Variants in FAM114A2 observed in about 807,000 individuals in gnomAD.
The protein encoded by FAM114A2 is protein FAM114A2.
A neutral mutation model predicts 58.4 loss-of-function variants in FAM114A2; 53 were observed. The ratio of observed to expected loss-of-function variants is 0.91; its 90% CI spans 0.73 to 1.14. FAM114A2 has a LOEUF of 1.14. Ranked by LOEUF, FAM114A2 falls within the 50% of genes most tolerant of loss-of-function variation. The pLI, the probability that FAM114A2 is intolerant of heterozygous loss-of-function variation, is 0.00. For synonymous variants in FAM114A2, 228 were observed against 211.4 expected (o/e 1.08, Z -0.68); for missense variants, 601 against 581.1 (o/e 1.03, Z -0.35).
In FAM114A2 at chr5:153,991,310, C is replaced by T. The variant is rs563824899; in HGVS notation, c.*1666G>A. 6.6e-6 allele frequency: 1 copy of T among 152,156 alleles called. No individual in the cohort carries two copies. Among genetic ancestry groups the T allele is most frequent in the East Asian group, 1.9e-4 (1 of 5,204 alleles). 9.4% of individuals were successfully genotyped at this position (152,156 alleles called of 1,614,324 possible). Reference sequence around the variant, plus strand: ...TTAAAGCTGCCAAACTGCCATTGTACAAGAGGCTGAACAGACAGTAGGCAG... The same window carrying T: ...TTAAAGCTGCCAAACTGCCATTGTATAAGAGGCTGAACAGACAGTAGGCAG... On this transcript the variant is annotated 3_prime_UTR_variant, in exon 14 of 14. Coordinates refer to ENST00000351797, the MANE Select transcript of FAM114A2 (RefSeq NM_018691.4).
At chr5:154,005,086 G>A (rs985019945) in intron 9 of FAM114A2, among the ~76,000 whole-genome samples, 5 of 152,154 alleles carry the variant, frequency 3.3e-5, no homozygotes, top group African/African-American at 4.8e-5. Context: ...AAATATAGTA[G>A]AATTATCTGT....
chr5:154,006,757 G>GA lies in FAM114A2; in HGVS notation c.994-3789dup, dbSNP rs1349295913. On this transcript the variant is annotated intron_variant, in intron 9 of 13. Transcript: ENST00000351797. ...ATGGAGAGTGATAGACCACATAAAA[G>GA]AAAAAACGGATACCATAAATTTAAT... Among the ~76,000 whole-genome samples, 6 of 149,268 alleles carry GA rather than the reference G, an allele frequency of 4.0e-5. No homozygotes were observed. In the East Asian group the frequency reaches 1.2e-3, roughly 29 times the overall value.
At chr5:154,026,100 C>T (rs1771752049) in intron 8 of FAM114A2, among the ~76,000 whole-genome samples, 1 of 152,116 alleles carries the variant, frequency 6.6e-6, no homozygotes, top group African/African-American at 2.4e-5. Flanking sequence ...CTGATGAGAA[C>T]AGCTTTCTAA....
At chr5:154,034,128 A>G (rs748771869) in intron 3 of FAM114A2, 150 bp downstream of exon 3, 3 of 625,858 alleles carry the variant, frequency 4.8e-6, no homozygotes, top group South Asian at 2.1e-5. Context: ...GTGGCAGTAT[A>G]TATCAGCCCA....
Position 154,012,865 on chromosome 5 carries a change from A to G in FAM114A2, c.914-1545T>C, listed in dbSNP as rs552531252. Among the ~76,000 whole-genome samples, 12 of 152,300 alleles carry G rather than the reference A, an allele frequency of 7.9e-5. No individual in the cohort carries two copies. The South Asian group carries it at 2.5e-3, about 32-fold the overall frequency. On this transcript the variant is annotated intron_variant, in intron 8 of 13. Coordinates refer to ENST00000351797, the MANE Select transcript of FAM114A2 (RefSeq NM_018691.4). Reference sequence around the variant, plus strand: ...ATGCATATACCCAAAGAGGTTCACAAAATAATTCAATGGAGGGCAGGAAAA... The same window carrying G: ...ATGCATATACCCAAAGAGGTTCACAGAATAATTCAATGGAGGGCAGGAAAA...
intron 13 of FAM114A2, among the ~76,000 whole-genome samples, chr5:153,993,785 C>G (rs6871098): frequency 0.65 from 98,374 of 151,380 alleles, 32,286 homozygotes; most frequent in East Asian, 0.87. Flanking sequence ...AAATCTGTAT[C>G]CAAAAAAAAA....
At chr5:154,019,407 T>C (rs1479248454) in intron 8 of FAM114A2, among the ~76,000 whole-genome samples, 5 of 152,024 alleles carry the variant, frequency 3.3e-5, no homozygotes, top group Non-Finnish European at 7.4e-5. Context: ...TGAAAACACA[T>C]CCCATGCTCA....
intron 8 of FAM114A2, among the ~76,000 whole-genome samples, chr5:154,015,358 G>T (rs1273808830): frequency 6.6e-6 from 1 of 152,176 alleles, no homozygotes; most frequent in African/African-American, 2.4e-5. Context: ...AGCCAAGGAT[G>T]CTCACAGAGT....
chr5:153,994,782 A>T (rs1769448714), intron 13 of FAM114A2, 137 bp downstream of exon 13: 2 of 615,322 alleles, frequency 3.3e-6, no homozygotes, highest in Non-Finnish European at 5.8e-6. Context: ...AATATACACT[A>T]TTTCTGTCAT....
intron 8 of FAM114A2, among the ~76,000 whole-genome samples, chr5:154,016,707 C>T (rs1331089006): frequency 2.7e-5 from 4 of 150,240 alleles, no homozygotes; most frequent in African/African-American, 9.8e-5. Context: ...ACCTATAAAA[C>T]AAAAATACAA....
chr5:154,021,360 CCT>C (rs1316818954), intron 8 of FAM114A2, among the ~76,000 whole-genome samples: 1 of 152,124 alleles, frequency 6.6e-6, no homozygotes, highest in East Asian at 1.9e-4. Flanking sequence ...TCAAATTGTC[CCT>C]GTTTGCAGAT....
chr5:154,002,016 T>G (rs1053036852), intron 11 of FAM114A2, among the ~76,000 whole-genome samples: 3 of 152,166 alleles, frequency 2.0e-5, no homozygotes, highest in Non-Finnish European at 2.9e-5. Flanking sequence ...TTAAAACTTA[T>G]CTGTAAAGAA....
chr5:154,011,187 C>A, intron 9 of FAM114A2, 54 bp downstream of exon 9: 1 of 1,290,082 alleles, frequency 7.8e-7, no homozygotes. Flanking sequence ...TGCTCTTTAT[C>A]CACTACATTT....
chr5:154,018,316 C>T (rs566887210), intron 8 of FAM114A2, among the ~76,000 whole-genome samples: 1 of 152,022 alleles, frequency 6.6e-6, no homozygotes, highest in East Asian at 1.9e-4. Context: ...CTAGAGGAGA[C>T]GGATAAATTT....
chr5:154,029,223 AAAT>A (rs1465342909), intron 5 of FAM114A2, among the ~76,000 whole-genome samples: 1 of 152,156 alleles, frequency 6.6e-6, no homozygotes, highest in Non-Finnish European at 1.5e-5. Context: ...CTAATCCATA[AAAT>A]AATACGTATA....
At chr5:154,026,658 A>G (rs1206932573) in intron 7 of FAM114A2, 136 bp from the exon 8 acceptor site, 1 of 496,930 alleles carries the variant, frequency 2.0e-6, no homozygotes, top group East Asian at 3.7e-5. Flanking sequence ...TTATTCCTTA[A>G]GAACCTTAAC....
intron 11 of FAM114A2, among the ~76,000 whole-genome samples, chr5:153,998,142 G>A (rs1769711312): frequency 6.6e-6 from 1 of 152,106 alleles, no homozygotes; most frequent in Admixed American, 6.6e-5. Context: ...ACATCATCTT[G>A]AGTAGTGTGA....
Position 154,026,476 on chromosome 5 carries a change from A to G in FAM114A2, c.836T>C (p.Leu279Pro). The G allele has an allele frequency of 6.3e-7, 1 of 1,574,964 alleles. No homozygotes were observed. Among genetic ancestry groups the G allele is most frequent in the Non-Finnish European group, 8.6e-7 (1 of 1,159,130 alleles). Residue 279 changes from leucine (L) to proline (P), a missense_variant, in exon 8 of 14, where the codon CTA becomes CCA. Leu to Pro is a moderately conservative substitution (Grantham distance 98, BLOSUM62 -3). Coordinates refer to ENST00000351797, the MANE Select transcript of FAM114A2 (RefSeq NM_018691.4). ...NSLSGEELETLKVELEQLKET... is the reference protein window; with the variant it reads ...NSLSGEELETPKVELEQLKET... ...TTTGAGTTGCTCTAATTCAACTTTTAGAGTCTCTAATTCTTCTCCACTCAG... is the reference window on the plus strand; with the variant it reads ...TTTGAGTTGCTCTAATTCAACTTTTGGAGTCTCTAATTCTTCTCCACTCAG...
intron 8 of FAM114A2, among the ~76,000 whole-genome samples, chr5:154,012,629 C>T (rs1770772703): frequency 1.3e-5 from 2 of 152,138 alleles, no homozygotes; most frequent in Admixed American, 6.6e-5. Context: ...TTTTGTCCCT[C>T]TCTCTTGGTG....
Sources: gnomAD v4.1 joint callset for allele counts (sites outside exome capture counted in the v4.1 genomes callset) on GRCh38, gnomAD v4.1.1 for gene constraint, MANE v1.5 for transcripts, NCBI Gene and HGNC (gene_info 2026-07-23, HGNC 2026-07-21) for gene names.